CHEK1: variants seen among roughly 807,000 people sequenced by gnomAD.
The protein encoded by CHEK1 is serine/threonine-protein kinase Chk1.
Under a neutral mutation model 60.2 loss-of-function variants are expected in CHEK1, and 32 were observed. The ratio of observed to expected loss-of-function variants is 0.53; its 90% CI spans 0.40 to 0.71. CHEK1 has a LOEUF of 0.71. Among genes scored for constraint, CHEK1 ranks in the 30% least tolerant of loss-of-function variants. The pLI is 0.00. For missense variants in CHEK1, 399 were observed against 564.6 expected (o/e 0.71, Z 2.97); for synonymous variants, 179 against 187.2 (o/e 0.96, Z 0.36).
intron 13 of CHEK1, among the ~76,000 whole-genome samples, chr11:125,664,055 T>C (rs1277993052): frequency 6.6e-6 from 1 of 152,138 alleles, no homozygotes; most frequent in Non-Finnish European, 1.5e-5. Flanking sequence ...CACAAGTCTA[T>C]GTGTCTGCTT....
chr11:125,667,128 G>T (rs1942114104), intron 13 of CHEK1, among the ~76,000 whole-genome samples: 5 of 152,006 alleles, frequency 3.3e-5, no homozygotes, highest in Admixed American at 3.3e-4. Flanking sequence ...GTACCCAACA[G>T]ATGGTTCTTC....
intron 13 of CHEK1, among the ~76,000 whole-genome samples, chr11:125,671,096 G>A (rs1459673592): frequency 6.6e-6 from 1 of 151,918 alleles, no homozygotes; most frequent in Non-Finnish European, 1.5e-5. Context: ...TTGTAGAGAC[G>A]GGGTCTTGCT....
At chr11:125,678,631 G>A (rs555554541), downstream of CHEK1, among the ~76,000 whole-genome samples, 1 of 152,202 alleles carries the variant, frequency 6.6e-6, no homozygotes, top group Admixed American at 6.5e-5. Context: ...GACAAAGTCA[G>A]CATCAGGAAG....
chr11:125,627,650 GTGAAGATTGTAGA>G lies in CHEK1; in HGVS notation c.111_123del (p.Lys38Ter). ...TAGAGTAACTGAAGAAGCAGTCGCAGTGAAGATTGTAGATATGAAGCGTGCCGTAGACTGTCCA... is the reference window on the plus strand; with the variant it reads ...TAGAGTAACTGAAGAAGCAGTCGCAGTATGAAGCGTGCCGTAGACTGTCCA... On this transcript the variant is annotated frameshift_variant, in exon 3 of 13. Transcript: ENST00000438015. LOFTEE classifies it high-confidence loss of function. The G allele has an allele frequency of 2.5e-6, 4 of 1,613,940 alleles. No individual in the cohort carries two copies. Among genetic ancestry groups the G allele is most frequent in the Non-Finnish European group, 2.5e-6 (3 of 1,179,918 alleles).
intron 13 of CHEK1, among the ~76,000 whole-genome samples, chr11:125,675,270 T>C (rs529948623): frequency 6.6e-6 from 1 of 152,344 alleles, no homozygotes; most frequent in Non-Finnish European, 1.5e-5. Flanking sequence ...TCTGCACCTC[T>C]AATCTTTCCT....
chr11:125,636,871 GTCT>G (rs1941091741), intron 7 of CHEK1, among the ~76,000 whole-genome samples: 1 of 151,908 alleles, frequency 6.6e-6, no homozygotes, highest in Non-Finnish European at 1.5e-5. Context: ...CTTTGGAAAG[GTCT>G]TCTACCTCTA....
rs886241674 is a variant in CHEK1 at position 125,653,223 on chromosome 11, T to G, written c.1234-523T>G. ...TCATCTGTTTGCTTGGCTTTTTGTT[T>G]TGTTTTTTTGAGACAGGGTCTCGCT... On this transcript the variant is annotated intron_variant, in intron 11 of 12. Coordinates refer to ENST00000438015, the MANE Select transcript of CHEK1 (RefSeq NM_001114122.3). This position sits in a 1 kb window ranked among gnomAD's most constrained non-coding sequence, Gnocchi z 4.3. 1.3e-5 allele frequency among the ~76,000 whole-genome samples: 2 copies of G among 152,166 alleles called. No homozygotes were observed. Among genetic ancestry groups the G allele is most frequent in the African/African-American group, 4.8e-5 (2 of 41,428 alleles).
intron 13 of CHEK1, chr11:125,672,006 A>G (rs2282535): frequency 0.3 from 45,990 of 152,164 alleles, 7,142 homozygotes; most frequent in South Asian, 0.42. Flanking sequence ...TCATTATACT[A>G]TTATCATTAT....
chr11:125,650,962 C>T (rs1014527337), intron 11 of CHEK1, among the ~76,000 whole-genome samples: 1 of 152,144 alleles, frequency 6.6e-6, no homozygotes, highest in Non-Finnish European at 1.5e-5. Context: ...TCTGCTTGTG[C>T]AAAATGCAAA....
chr11:125,641,157 G>C (rs1799263810), intron 8 of CHEK1, among the ~76,000 whole-genome samples: 2 of 152,146 alleles, frequency 1.3e-5, no homozygotes. Flanking sequence ...TCCCTCTGTG[G>C]ATAAGGGGGG....
downstream of CHEK1, among the ~76,000 whole-genome samples, chr11:125,680,052 G>T (rs1467870010): frequency 6.6e-6 from 1 of 152,196 alleles, no homozygotes. Flanking sequence ...ATCACCTGGT[G>T]GCTGTGTATC....
At chr11:125,665,158 G>C (rs751884139) in intron 13 of CHEK1, among the ~76,000 whole-genome samples, 1 of 150,590 alleles carries the variant, frequency 6.6e-6, no homozygotes, top group Admixed American at 6.6e-5. Flanking sequence ...TTCCAGTATC[G>C]GTCTGTTTTG....
chr11:125,680,219 T>C (rs1451242699), downstream of CHEK1, among the ~76,000 whole-genome samples: 2 of 152,190 alleles, frequency 1.3e-5, no homozygotes, highest in Admixed American at 6.5e-5. Context: ...ACACCATGAA[T>C]GGGGGATCCC....
At chr11:125,627,878 G>T (rs1217354308) in intron 3 of CHEK1, 48 bp downstream of exon 3, 2 of 1,406,182 alleles carry the variant, frequency 1.4e-6, no homozygotes, top group East Asian at 2.5e-5. Context: ...TTTTAAATTT[G>T]TTTTTTAAAT....
chr11:125,677,160 A>T (rs1782721127), downstream of CHEK1, among the ~76,000 whole-genome samples: 1 of 152,204 alleles, frequency 6.6e-6, no homozygotes, highest in Admixed American at 6.5e-5. Flanking sequence ...CACTTCTTTC[A>T]TCTGAAAATT....
downstream of CHEK1, among the ~76,000 whole-genome samples, chr11:125,658,025 TAC>T (rs1227104519): frequency 1.3e-5 from 2 of 152,230 alleles, no homozygotes; most frequent in Non-Finnish European, 1.5e-5. Context: ...AATTTTCACC[TAC>T]AGTTGGTGTG....
At chr11:125,663,237 T>C (rs1942049250) in intron 13 of CHEK1, among the ~76,000 whole-genome samples, 1 of 152,162 alleles carries the variant, frequency 6.6e-6, no homozygotes, top group South Asian at 2.1e-4. Context: ...GAAATCCAGT[T>C]TACCAATTTT....
At chr11:125,626,529 C>T (rs1940619889) in intron 1 of CHEK1, 1 of 555,152 alleles carries the variant, frequency 1.8e-6, no homozygotes, top group South Asian at 2.4e-5. Context: ...AGAATTTCAA[C>T]CTTCGGTGTG....
chr11:125,677,497 T>C (rs1942567999), downstream of CHEK1, among the ~76,000 whole-genome samples: 1 of 152,200 alleles, frequency 6.6e-6, no homozygotes, highest in Non-Finnish European at 1.5e-5. Context: ...GATCCCCTTC[T>C]AGGGAAGTCG....
Sources: gnomAD v4.1 joint callset for allele counts (sites outside exome capture counted in the v4.1 genomes callset) on GRCh38, gnomAD v4.1.1 for gene constraint, Gnocchi (gnomAD v3.1) non-coding constraint, MANE v1.5 for transcripts, NCBI Gene and HGNC (gene_info 2026-07-23, HGNC 2026-07-21) for gene names.